NBEA: variants seen among roughly 807,000 people sequenced by gnomAD.
NBEA encodes the protein lysosomal-trafficking regulator 2.
NBEA carries 44 observed loss-of-function variants against 343.4 expected under a neutral mutation model. The ratio of observed to expected loss-of-function variants is 0.13; its 90% confidence interval spans 0.10 to 0.16. The LOEUF (loss-of-function observed/expected upper bound fraction) is 0.16, where lower values mean the gene tolerates loss of function less well. NBEA is among the 10% of genes least tolerant of loss of function. The probability of loss-of-function intolerance (pLI) is 1.00; values close to 1 mark genes in which losing one functional copy is unlikely to be tolerated. For missense variants in NBEA, 2,555 were observed against 3,631.3 expected (o/e 0.70, Z 7.62); for synonymous variants, 1,175 against 1,238.7 (o/e 0.95, Z 1.08).
At position 35,159,935 on chromosome 13, in the gene NBEA, T is replaced by C. The variant is rs1340867009; in HGVS notation, c.3764T>C (p.Ile1255Thr). 3 of 1,593,818 alleles carry C rather than the reference T, an allele frequency of 1.9e-6. No individual in the cohort carries two copies. The highest frequency in any genetic ancestry group is 4.5e-5 in the East Asian group (2 of 44,076). The part of the protein sequence containing the change: ...ESSSSKIVPN[I>T]DAGSIISDTE... ...TCTAGTAGCAAAATTGTACCAAATATTGATGCAGGAAGTATAATTTCAGAT... is the reference window on the plus strand; with the variant it reads ...TCTAGTAGCAAAATTGTACCAAATACTGATGCAGGAAGTATAATTTCAGAT... The change falls in exon 22 of 59, where the codon ATT becomes ACT. Residue 1255 changes from isoleucine to threonine, a missense_variant. Physicochemically the swap from Ile to Thr is moderately conservative, Grantham distance 89 (BLOSUM62 -1). This residue lies in a region of NBEA where 367 missense variants were observed against 377.5 expected (regional missense o/e 0.97). Coordinates refer to ENST00000379939, the MANE Select transcript of NBEA (RefSeq NM_001385012.1).
At chr13:35,443,617 C>T (rs925463013) in intron 39 of NBEA, among the ~76,000 whole-genome samples, 1 of 151,874 alleles carries the variant, frequency 6.6e-6, no homozygotes, top group Middle Eastern at 3.4e-3. Flanking sequence ...CAGATTTTTA[C>T]CTAAAATGTA....
At chr13:35,125,177 C>G (rs1366259970) in intron 17 of NBEA, among the ~76,000 whole-genome samples, 3 of 152,104 alleles carry the variant, frequency 2.0e-5, no homozygotes, top group Admixed American at 6.6e-5. Flanking sequence ...AATGTACTCT[C>G]TATCACAAAT....
intron 36 of NBEA, among the ~76,000 whole-genome samples, chr13:35,329,518 A>G (rs1355367529): frequency 6.6e-6 from 1 of 152,040 alleles, no homozygotes; most frequent in Non-Finnish European, 1.5e-5. Context: ...TTTAAAAAAT[A>G]TGAGCTACTG....
chr13:35,098,113 G>A (rs1384249163), intron 10 of NBEA, among the ~76,000 whole-genome samples, 184 bp from the exon 11 acceptor site: 1 of 152,128 alleles, frequency 6.6e-6, no homozygotes, highest in African/African-American at 2.4e-5. Flanking sequence ...AAGGACAACA[G>A]TAGTTTTCTC....
intron 31 of NBEA, among the ~76,000 whole-genome samples, chr13:35,202,557 C>G (rs1806244594): frequency 6.6e-6 from 1 of 152,098 alleles, no homozygotes; most frequent in Non-Finnish European, 1.5e-5. Context: ...AAGATAGTAT[C>G]CCTGTTTTTA....
intron 30 of NBEA, among the ~76,000 whole-genome samples, chr13:35,190,287 A>G (rs1167086264): frequency 2.4e-4 from 36 of 152,148 alleles, no homozygotes; most frequent in Admixed American, 2.3e-3. Flanking sequence ...AACCTTGCCT[A>G]AAAGCTTAAA....
chr13:35,374,698 ACTGT>A (rs1343696267), intron 38 of NBEA, among the ~76,000 whole-genome samples: 1 of 152,132 alleles, frequency 6.6e-6, no homozygotes, highest in East Asian at 1.9e-4. Context: ...ATCAACACTT[ACTGT>A]CTTATTTTTC....
At chr13:35,446,078 G>A (rs1327120573) in intron 39 of NBEA, among the ~76,000 whole-genome samples, 1 of 148,416 alleles carries the variant, frequency 6.7e-6, no homozygotes, top group African/African-American at 2.5e-5. Flanking sequence ...TTGGTTTTTT[G>A]TCCTTACGAT....
chr13:35,420,857 T>C (rs1344740424), intron 38 of NBEA, among the ~76,000 whole-genome samples: 1 of 152,006 alleles, frequency 6.6e-6, no homozygotes, highest in Non-Finnish European at 1.5e-5. Flanking sequence ...TTTTCATTCC[T>C]GATATTGGTA....
intron 38 of NBEA, among the ~76,000 whole-genome samples, chr13:35,358,895 G>A (rs1177351489): frequency 6.6e-6 from 1 of 151,994 alleles, no homozygotes; most frequent in Non-Finnish European, 1.5e-5. Flanking sequence ...CGCGTCTTTA[G>A]CAAAGGGTGG....
At position 35,225,122 on chromosome 13, in the gene NBEA, T is replaced by C. The variant is rs368292411; in HGVS notation, c.5649-7370T>C. 1.5e-3 allele frequency among the ~76,000 whole-genome samples: 230 copies of C among 152,312 alleles called. 1 individual carries two copies. Among genetic ancestry groups the C allele is most frequent in the African/African-American group, 5.4e-3 (224 of 41,582 alleles). ...CACTATGTAGTCCCTTCTGCAATAG[T>C]AGACTACTGTTATCTGTTACTGGGT... is the stretch of plus-strand genomic sequence containing the variant. On this transcript the variant is annotated intron_variant, in intron 33 of 58. Coordinates refer to ENST00000379939, the MANE Select transcript of NBEA (RefSeq NM_001385012.1).
intron 33 of NBEA, among the ~76,000 whole-genome samples, chr13:35,231,226 T>C (rs1351308579): frequency 1.3e-5 from 2 of 152,088 alleles, no homozygotes; most frequent in Admixed American, 1.3e-4. Context: ...CTTAGAGTGC[T>C]CAAAGATTTG....
chr13:35,413,097 A>G (rs1157822062), intron 38 of NBEA, among the ~76,000 whole-genome samples: 2 of 152,180 alleles, frequency 1.3e-5, no homozygotes, highest in Non-Finnish European at 2.9e-5. Flanking sequence ...ACTAGCTCTT[A>G]AAGTTTTTGT....
intron 41 of NBEA, among the ~76,000 whole-genome samples, chr13:35,510,950 A>G (rs2077252193): frequency 6.6e-6 from 1 of 152,140 alleles, no homozygotes; most frequent in Non-Finnish European, 1.5e-5. Flanking sequence ...CCTCATTTTA[A>G]TATTTTAGTC....
chr13:35,489,601 A>C (rs2076431156), intron 41 of NBEA, among the ~76,000 whole-genome samples: 1 of 152,012 alleles, frequency 6.6e-6, no homozygotes, highest in Admixed American at 6.6e-5. Flanking sequence ...CATCAAAAGT[A>C]AATTCGGTAT....
chr13:35,012,163 A>G (rs531659342), intron 1 of NBEA, among the ~76,000 whole-genome samples: 93 of 152,356 alleles, frequency 6.1e-4, no homozygotes, highest in Admixed American at 1.4e-3. Context: ...ACAGAAATTT[A>G]TTGGCTCACA....
At chr13:35,017,361 G>A (rs897401646) in intron 1 of NBEA, among the ~76,000 whole-genome samples, 1 of 152,124 alleles carries the variant, frequency 6.6e-6, no homozygotes, top group Non-Finnish European at 1.5e-5. Context: ...GTAAATGTGT[G>A]TTTAGTGCCT....
chr13:34,992,196 A>ATG (rs2060776908), intron 1 of NBEA, among the ~76,000 whole-genome samples: 1 of 140,728 alleles, frequency 7.1e-6, no homozygotes, highest in Admixed American at 7.3e-5. Flanking sequence ...GTGTGTATAT[A>ATG]TATGTGTGTG....
chr13:35,334,812 C>T (rs959746016), intron 36 of NBEA, among the ~76,000 whole-genome samples: 8 of 152,276 alleles, frequency 5.3e-5, no homozygotes, highest in South Asian at 4.1e-4. Flanking sequence ...ATTATCTCTT[C>T]ACTTTGTTGA....
Sources: gnomAD v4.1 joint callset for allele counts (sites outside exome capture counted in the v4.1 genomes callset) on GRCh38, gnomAD v4.1.1 for gene constraint, gnomAD v4.1.1 regional missense constraint, MANE v1.5 for transcripts, NCBI Gene and HGNC (gene_info 2026-07-23, HGNC 2026-07-21) for gene names.